AGAP1: variants seen among roughly 807,000 people sequenced by gnomAD.
The protein encoded by AGAP1 is arf-GAP with GTPase, ANK repeat and PH domain-containing protein 1.
In AGAP1, 29 loss-of-function variants were observed where a neutral mutation model predicts 105.3. The ratio of observed to expected loss-of-function variants is 0.28; its 90% CI spans 0.21 to 0.38. The LOEUF (loss-of-function observed/expected upper bound fraction) is 0.38, where lower values mean the gene tolerates loss of function less well. Ranked by LOEUF, AGAP1 falls within the 10% of genes least tolerant of loss-of-function variation. AGAP1 has a pLI of 1.00. For synonymous variants in AGAP1, 509 were observed against 485.9 expected, an observed-to-expected ratio of 1.05 and a Z score of -0.63; for missense variants, 998 against 1,165.1, an observed-to-expected ratio of 0.86 and a Z score of 2.09.
In AGAP1 at chr2:235,750,404, A is replaced by G; in HGVS notation, c.589A>G (p.Lys197Glu). Residue 197 changes from lysine to glutamate, a missense_variant, in exon 6 of 18, where the codon AAG becomes GAG. Physicochemically the swap from Lys to Glu is moderately conservative, Grantham distance 56 (BLOSUM62 1). Around this residue, in one of 3 missense-constraint regions of AGAP1, gnomAD observed 735 missense variants for 833.4 expected, o/e 0.88. Coordinates refer to ENST00000304032, the MANE Select transcript of AGAP1 (RefSeq NM_001037131.3). This position sits in a 1 kb window ranked among gnomAD's most constrained non-coding sequence, Gnocchi z 5.3. ...PRVIDDARAR[K>E]LSNDLKRCTY... ...GGTCATCGATGACGCCAGGGCGAGG[A>G]AGCTCTCCAACGACCTGAAACGGTG... is the stretch of plus-strand genomic sequence containing the variant. 6.2e-7 allele frequency: 1 copy of G among 1,614,198 alleles called. No individual in the cohort carries two copies. The highest frequency in any genetic ancestry group is 1.7e-5 in the Admixed American group (1 of 60,026).
chr2:235,746,916 G>T (rs1952996812), intron 5 of AGAP1, among the ~76,000 whole-genome samples: 1 of 152,120 alleles, frequency 6.6e-6, no homozygotes, highest in Admixed American at 6.5e-5. Context: ...ACACATCCAT[G>T]TTCCATCAGT....
chr2:235,952,035 G>A (rs2053759104), intron 12 of AGAP1, among the ~76,000 whole-genome samples: 1 of 152,120 alleles, frequency 6.6e-6, no homozygotes, highest in African/African-American at 2.4e-5. Context: ...AAAAATGAAA[G>A]GTCATAAGCC....
chr2:236,090,257 A>T lies in AGAP1; in HGVS notation c.2115-29935A>T, dbSNP rs1240808129. Reference sequence around the variant, plus strand: ...AGGACTTTGATGTTCCTACTGATATATTCAACCCTCAGGCGTACCATGCAA... The same window carrying T: ...AGGACTTTGATGTTCCTACTGATATTTTCAACCCTCAGGCGTACCATGCAA... On this transcript the variant is annotated intron_variant, in intron 16 of 17. Transcript: ENST00000304032. This position sits in a 1 kb window ranked among gnomAD's most constrained non-coding sequence, Gnocchi z 4.3. Among the ~76,000 whole-genome samples the T allele has an allele frequency of 6.6e-6, 1 of 152,198 alleles. No individual in the cohort carries two copies. The highest frequency in any genetic ancestry group is 6.5e-5 in the Admixed American group (1 of 15,282).
chr2:235,686,636 TATATATATAG>T (rs1559350670), intron 1 of AGAP1, among the ~76,000 whole-genome samples: 1,120 of 50,758 alleles, frequency 0.022, 40 homozygotes, highest in African/African-American at 0.041. Flanking sequence ...TATATATATA[TATATATATAG>T]ATATATATAT....
Position 235,787,152 on chromosome 2 carries a change from G to A in AGAP1, c.674-10607G>A, listed in dbSNP as rs1283509142. Among the ~76,000 whole-genome samples, 1 of 152,146 alleles carries A rather than the reference G, an allele frequency of 6.6e-6. No homozygotes were observed. Among genetic ancestry groups the A allele is most frequent in the African/African-American group, 2.4e-5 (1 of 41,436 alleles). On this transcript the variant is annotated intron_variant, in intron 6 of 17. Transcript: ENST00000304032. The surrounding 1 kb of genome is among the most constrained non-coding windows in gnomAD (Gnocchi z 4.4). Reference sequence around the variant, plus strand: ...TCACTTCTTGTCTTTGAGTTCTCAGGCTTCTCCCCTCTCCTGTTGTAAGAG... The same window carrying A: ...TCACTTCTTGTCTTTGAGTTCTCAGACTTCTCCCCTCTCCTGTTGTAAGAG...
intron 16 of AGAP1, among the ~76,000 whole-genome samples, chr2:236,107,584 G>C (rs150633533): frequency 6.2e-4 from 94 of 152,310 alleles, no homozygotes; most frequent in African/African-American, 2.2e-3. Context: ...GCAAAGCCAC[G>C]AGTGCCCCAA....
rs1429456339 is a variant in AGAP1 at position 235,721,392 on chromosome 2, A to G, written c.310+3748A>G. Among the ~76,000 whole-genome samples the G allele has an allele frequency of 1.3e-5, 2 of 152,220 alleles. No individual in the cohort carries two copies. The highest frequency in any genetic ancestry group is 2.9e-5 in the Non-Finnish European group (2 of 68,034). ...TTTCAATTAGTGAATTAACAACACAAAAGTGGGTAACACCGTAGGGAACTT... is the reference window on the plus strand; with the variant it reads ...TTTCAATTAGTGAATTAACAACACAGAAGTGGGTAACACCGTAGGGAACTT... On this transcript the variant is annotated intron_variant, in intron 3 of 17. Coordinates refer to ENST00000304032, the MANE Select transcript of AGAP1 (RefSeq NM_001037131.3). This position sits in a 1 kb window ranked among gnomAD's most constrained non-coding sequence, Gnocchi z 4.5.
At chr2:235,504,992 C>T (rs1559207386) in intron 1 of AGAP1, among the ~76,000 whole-genome samples, 1 of 152,130 alleles carries the variant, frequency 6.6e-6, no homozygotes, top group Non-Finnish European at 1.5e-5. Flanking sequence ...AACAGGGGCC[C>T]CTTTGGCTCT....
rs1239548366 is a variant in AGAP1, at chr2:235,799,643, C to CATTG, written c.957+125_957+128dup. ...ATCTCAACTATATTAAAGTGAATAACATTGATTTCTGTGGAGGACTAAGAA... is the reference window on the plus strand; with the variant it reads ...ATCTCAACTATATTAAAGTGAATAACATTGATTGATTTCTGTGGAGGACTAAGAA... On this transcript the variant is annotated intron_variant, in intron 8 of 17. Transcript: ENST00000304032. The surrounding 1 kb of genome is among the most constrained non-coding windows in gnomAD (Gnocchi z 5.0). 1 of 1,146,344 alleles carries CATTG rather than the reference C, an allele frequency of 8.7e-7. No individual in the cohort carries two copies. The highest frequency in any genetic ancestry group is 1.2e-6 in the Non-Finnish European group (1 of 828,596). 71.0% of individuals were successfully genotyped at this position (1,146,344 alleles called of 1,614,324 possible).
chr2:235,937,356 G>A (rs1355112018), intron 12 of AGAP1, among the ~76,000 whole-genome samples: 2 of 152,028 alleles, frequency 1.3e-5, no homozygotes, highest in Middle Eastern at 3.2e-3. Flanking sequence ...ACTGGACACA[G>A]GGGGTGAAAG....
intron 1 of AGAP1, among the ~76,000 whole-genome samples, chr2:235,548,259 C>T (rs768106746): frequency 6.6e-6 from 1 of 152,220 alleles, no homozygotes; most frequent in Non-Finnish European, 1.5e-5. Context: ...TAGTGTCGCT[C>T]ATGTAAAATG....
intron 1 of AGAP1, among the ~76,000 whole-genome samples, chr2:235,571,773 A>C (rs866952011): frequency 1.3e-5 from 2 of 151,830 alleles, no homozygotes; most frequent in African/African-American, 4.8e-5. Context: ...TCCCCAACAG[A>C]GTGGCCCTCC....
intron 9 of AGAP1, among the ~76,000 whole-genome samples, chr2:235,818,874 C>T (rs1958615781): frequency 6.6e-6 from 1 of 151,914 alleles, no homozygotes; most frequent in Admixed American, 6.6e-5. Flanking sequence ...ATGCCCGGCC[C>T]ATGGCCATCT....
intron 1 of AGAP1, among the ~76,000 whole-genome samples, chr2:235,564,175 A>AAAG (rs1178761616): frequency 2.0e-5 from 3 of 152,186 alleles, no homozygotes; most frequent in African/African-American, 7.2e-5. Context: ...CCTGGCCTTT[A>AAAG]TCCATCGAAT....
chr2:236,035,469 G>C lies in AGAP1; in HGVS notation c.1646-1092G>C, dbSNP rs1470151396. On this transcript the variant is annotated intron_variant, in intron 13 of 17. Transcript: ENST00000304032. The surrounding 1 kb of genome is among the most constrained non-coding windows in gnomAD (Gnocchi z 4.2). ...GGGAGACACCATCTCTACAAAAAAT[G>C]TCTAACAATTGGCCAGGTGTGATGG... 6.6e-6 allele frequency among the ~76,000 whole-genome samples: 1 copy of C among 152,060 alleles called. No individual in the cohort carries two copies. Among genetic ancestry groups the C allele is most frequent in the African/African-American group, 2.4e-5 (1 of 41,414 alleles).
rs2049604000 is a variant in AGAP1 at position 235,874,378 on chromosome 2, A to G, written c.1051-8967A>G. On this transcript the variant is annotated intron_variant, in intron 9 of 17. Transcript: ENST00000304032. This position sits in a 1 kb window ranked among gnomAD's most constrained non-coding sequence, Gnocchi z 4.5. ...ACCACATTCTTGAGCTGAGCTCCCG[A>G]GGGTACCTGGTGATGTAGAAGGAAG... Among the ~76,000 whole-genome samples the G allele has an allele frequency of 1.3e-5, 2 of 152,168 alleles. No individual in the cohort carries two copies. The highest frequency in any genetic ancestry group is 2.9e-5 in the Non-Finnish European group (2 of 68,032).
chr2:235,756,752 C>A (rs1033912897), intron 6 of AGAP1, among the ~76,000 whole-genome samples: 2 of 152,192 alleles, frequency 1.3e-5, no homozygotes, highest in Non-Finnish European at 2.9e-5. Flanking sequence ...CCTAGGAGCA[C>A]GAGCCCTGTT....
intron 1 of AGAP1, among the ~76,000 whole-genome samples, chr2:235,533,994 G>T (rs1943127620): frequency 6.6e-6 from 1 of 152,210 alleles, no homozygotes; most frequent in Non-Finnish European, 1.5e-5. Flanking sequence ...GGCTTCAGGG[G>T]AGCCACATGG....
chr2:235,828,775 C>T (rs1344198721), intron 9 of AGAP1, among the ~76,000 whole-genome samples: 5 of 152,154 alleles, frequency 3.3e-5, no homozygotes, highest in Admixed American at 1.3e-4. Flanking sequence ...CATGAGATGT[C>T]CCTGGTTGAC....
Sources: allele counts gnomAD v4.1 joint callset (sites outside exome capture counted in the v4.1 genomes callset), GRCh38; gene constraint gnomAD v4.1.1; regional missense constraint gnomAD v4.1.1; non-coding constraint Gnocchi (gnomAD v3.1); transcripts MANE v1.5; gene names NCBI Gene and HGNC (gene_info 2026-07-23, HGNC 2026-07-21).